MGAT4D: variants seen among roughly 807,000 people sequenced by gnomAD.
MGAT4D encodes MGAT4 family member D.
A neutral mutation model predicts 15.9 loss-of-function variants in MGAT4D; 34 were observed. The ratio of observed to expected loss-of-function variants is 2.14; its 90% CI spans 1.62 to 2.84. The LOEUF (loss-of-function observed/expected upper bound fraction) is 2.84, where lower values mean the gene tolerates loss of function less well. MGAT4D is among the 30% of genes most tolerant of loss of function. MGAT4D has a pLI of 0.00. For missense variants in MGAT4D, 327 were observed against 140.2 expected (o/e 2.33, Z -6.73); for synonymous variants, 112 against 48.2 (o/e 2.33, Z -5.49).
intron 1 of MGAT4D, 118 bp downstream of exon 1, chr4:140,498,011 C>A: frequency 1.8e-6 from 1 of 543,916 alleles, no homozygotes; most frequent in South Asian, 2.3e-5. Flanking sequence ...CCAGCGCGGG[C>A]GGCCGCCGCC....
At chr4:140,456,891 A>G (rs1365513926) in intron 8 of MGAT4D, 172 bp from the exon 9 acceptor site, 3 of 385,054 alleles carry the variant, frequency 7.8e-6, no homozygotes, top group African/African-American at 6.2e-5. Context: ...TATCTGCTTA[A>G]GTATTAAGGA....
At chr4:140,464,793 C>T in intron 6 of MGAT4D, 103 bp downstream of exon 6, 1 of 634,784 alleles carries the variant, frequency 1.6e-6, no homozygotes, top group Non-Finnish European at 2.8e-6. Context: ...AAGCCAGCTC[C>T]AGAACACCAC....
At chr4:140,482,087 C>A (rs1024033) in intron 2 of MGAT4D, among the ~76,000 whole-genome samples, 37,561 of 151,892 alleles carry the variant, frequency 0.25, 4,992 homozygotes, top group East Asian at 0.48. Context: ...GGTTGCATCT[C>A]TTGAATGGAT....
chr4:140,459,083 T>G (rs6843092), intron 8 of MGAT4D: 2 of 152,050 alleles, frequency 1.3e-5, no homozygotes, highest in East Asian at 3.8e-4. Context: ...TATGTTTTTA[T>G]ATTTTTTAAG....
At position 140,442,938 on chromosome 4, in the gene MGAT4D, A is replaced by G. The variant is rs1378265761; in HGVS notation, c.*498T>C. 1 of 152,204 alleles carries G rather than the reference A, an allele frequency of 6.6e-6. No homozygotes were observed. The highest frequency in any genetic ancestry group is 1.9e-4 in the East Asian group (1 of 5,200). 9.4% of individuals were successfully genotyped at this position (152,204 alleles called of 1,614,324 possible). On this transcript the variant is annotated 3_prime_UTR_variant, in exon 11 of 11. Coordinates refer to ENST00000511113, the MANE Select transcript of MGAT4D (RefSeq NM_001277353.2). ...TCAAGATGTTTGATAATCGGTTCAAATGGCACATAGGGATAAGTTTATAGT... is the reference window on the plus strand; with the variant it reads ...TCAAGATGTTTGATAATCGGTTCAAGTGGCACATAGGGATAAGTTTATAGT...
intron 7 of MGAT4D, among the ~76,000 whole-genome samples, chr4:140,460,254 C>CATTTT (rs1731086938): frequency 6.6e-6 from 1 of 152,096 alleles, no homozygotes; most frequent in Admixed American, 6.5e-5. Flanking sequence ...AACAAAATAC[C>CATTTT]ATAGAATGGG....
At chr4:140,456,838 T>C in intron 8 of MGAT4D, 119 bp from the exon 9 acceptor site, 5 of 500,842 alleles carry the variant, frequency 1.0e-5, no homozygotes, top group South Asian at 6.4e-5. Context: ...GAAATAAAGA[T>C]TAAAGCACTG....
intron 4 of MGAT4D, among the ~76,000 whole-genome samples, chr4:140,474,041 A>G (rs1732154646): frequency 6.6e-6 from 1 of 152,142 alleles, no homozygotes; most frequent in Non-Finnish European, 1.5e-5. Flanking sequence ...TTATTTCCTT[A>G]GGATAAGTTC....
At chr4:140,455,660 GTTGAAATCTCCAACTGTA>G (rs1730749618) in intron 9 of MGAT4D, among the ~76,000 whole-genome samples, 1 of 152,178 alleles carries the variant, frequency 6.6e-6, no homozygotes, top group African/African-American at 2.4e-5. Context: ...AGAGAGGACA[GTTGAAATCTCCAACTGTA>G]ATTGTAGATC....
At chr4:140,483,420 T>C (rs1732874967) in intron 1 of MGAT4D, among the ~76,000 whole-genome samples, 1 of 152,158 alleles carries the variant, frequency 6.6e-6, no homozygotes, top group South Asian at 2.1e-4. Context: ...TAGAAGAATA[T>C]TGTTAAAATG....
In MGAT4D at chr4:140,442,896, A is replaced by G. The variant is rs1729860842; in HGVS notation, c.*540T>C. 1 of 152,184 alleles carries G rather than the reference A, an allele frequency of 6.6e-6. No homozygotes were observed. Among genetic ancestry groups the G allele is most frequent in the Non-Finnish European group, 1.5e-5 (1 of 68,010 alleles). 9.4% of individuals were successfully genotyped at this position (152,184 alleles called of 1,614,324 possible). A position where few individuals can be genotyped will look rare whatever the true frequency, so the allele number is the denominator to read the frequency against. On this transcript the variant is annotated 3_prime_UTR_variant, in exon 11 of 11. Transcript: ENST00000511113. ...ATGAAATCTTTAGAACTAAATGACT[A>G]TAAGAATACATATATATCAAGATGT...
chr4:140,455,563 T>A, intron 9 of MGAT4D, among the ~76,000 whole-genome samples: 1 of 152,208 alleles, frequency 6.6e-6, no homozygotes, highest in East Asian at 1.9e-4. Context: ...TTTTTAAATG[T>A]CAATTAAATC....
chr4:140,483,094 T>A (rs1200994899), intron 1 of MGAT4D, among the ~76,000 whole-genome samples: 1 of 152,180 alleles, frequency 6.6e-6, no homozygotes, highest in Non-Finnish European at 1.5e-5. Context: ...ATTGCTTAAT[T>A]TTTATTTGCC....
At chr4:140,494,096 C>T (rs891772194) in intron 1 of MGAT4D, among the ~76,000 whole-genome samples, 1 of 152,124 alleles carries the variant, frequency 6.6e-6, no homozygotes, top group Non-Finnish European at 1.5e-5. Context: ...GAATTGGTTA[C>T]CTGATGTACT....
chr4:140,482,057 G>C (rs1294806280), intron 2 of MGAT4D, among the ~76,000 whole-genome samples: 1 of 152,222 alleles, frequency 6.6e-6, no homozygotes, highest in Non-Finnish European at 1.5e-5. Flanking sequence ...CGAGGGGTCA[G>C]AGGTGATCCT....
At chr4:140,444,819 A>G (rs1200924901) in intron 10 of MGAT4D, among the ~76,000 whole-genome samples, 2 of 151,602 alleles carry the variant, frequency 1.3e-5, no homozygotes, top group African/African-American at 2.4e-5. Flanking sequence ...GAACTAATTT[A>G]CACTCTGCCA....
chr4:140,474,471 C>A (rs139292328), intron 4 of MGAT4D, among the ~76,000 whole-genome samples: 2 of 152,060 alleles, frequency 1.3e-5, no homozygotes, highest in African/African-American at 4.8e-5. Context: ...TTACTAGCAT[C>A]GATTTTAATA....
chr4:140,456,939 TA>T (rs1730847260), intron 8 of MGAT4D: 2 of 249,412 alleles, frequency 8.0e-6, no homozygotes, highest in Non-Finnish European at 1.5e-5. Flanking sequence ...AGGTTTAGAA[TA>T]GTCAATACTC....
chr4:140,470,925 C>T (rs899802975), intron 5 of MGAT4D, among the ~76,000 whole-genome samples: 3 of 149,618 alleles, frequency 2.0e-5, no homozygotes, highest in Admixed American at 6.7e-5. Flanking sequence ...CCCTCTATCA[C>T]TCAGGTAGGA....
Sources: gnomAD v4.1 joint callset for allele counts (sites outside exome capture counted in the v4.1 genomes callset) on GRCh38, gnomAD v4.1.1 for gene constraint, MANE v1.5 for transcripts, NCBI Gene and HGNC (gene_info 2026-07-23, HGNC 2026-07-21) for gene names.